RABGAP1L: variants seen among roughly 807,000 people sequenced by gnomAD.
RABGAP1L encodes the protein RAB GTPase activating protein 1 like.
In RABGAP1L, 63 loss-of-function variants were observed where a neutral mutation model predicts 137.7. The observed-to-expected ratio is 0.46, with a 90% CI of 0.37 to 0.56. The LOEUF (loss-of-function observed/expected upper bound fraction) is 0.56. Ranked by LOEUF, RABGAP1L falls within the 20% of genes least tolerant of loss-of-function variation. RABGAP1L has a pLI of 0.00. For missense variants in RABGAP1L, 1,095 were observed against 1,244.0 expected (o/e 0.88, Z 1.80); for synonymous variants, 431 against 433.7 (o/e 0.99, Z 0.08).
At chr1:174,462,198 A>G (rs1656767848) in intron 13 of RABGAP1L, among the ~76,000 whole-genome samples, 1 of 152,178 alleles carries the variant, frequency 6.6e-6, no homozygotes, top group African/African-American at 2.4e-5. Flanking sequence ...ATGACTAGTA[A>G]CAGATGAGAG....
At chr1:174,792,423 C>G (rs1407972359) in intron 18 of RABGAP1L, among the ~76,000 whole-genome samples, 1 of 152,144 alleles carries the variant, frequency 6.6e-6, no homozygotes, top group African/African-American at 2.4e-5. Context: ...AAAATTAAGA[C>G]TGTCTTTGAA....
At chr1:174,661,383 A>G (rs1159225639) in intron 14 of RABGAP1L, among the ~76,000 whole-genome samples, 2 of 152,324 alleles carry the variant, frequency 1.3e-5, no homozygotes, top group East Asian at 1.9e-4. Context: ...GAAAACATGT[A>G]GTTGATAATG....
chr1:174,964,493 A>T (rs1669442295), intron 20 of RABGAP1L, among the ~76,000 whole-genome samples: 1 of 152,134 alleles, frequency 6.6e-6, no homozygotes, highest in Non-Finnish European at 1.5e-5. Flanking sequence ...TACACATGAG[A>T]TCCAGGATCC....
chr1:174,717,324 G>A (rs1415103134), intron 17 of RABGAP1L, among the ~76,000 whole-genome samples: 1 of 152,134 alleles, frequency 6.6e-6, no homozygotes, highest in Non-Finnish European at 1.5e-5. Flanking sequence ...GCAGAGGATC[G>A]CTTGAGCCCA....
intron 13 of RABGAP1L, among the ~76,000 whole-genome samples, chr1:174,610,909 T>G (rs1204425523): frequency 6.6e-6 from 1 of 152,132 alleles, no homozygotes; most frequent in African/African-American, 2.4e-5. Context: ...GTTGTTTGTT[T>G]TTTTCTTGTA....
intron 1 of RABGAP1L, among the ~76,000 whole-genome samples, chr1:174,166,071 T>C (rs1444200496): frequency 6.6e-6 from 1 of 152,214 alleles, no homozygotes; most frequent in Non-Finnish European, 1.5e-5. Context: ...TTGAACAGGA[T>C]TTATATGTTA....
intron 12 of RABGAP1L, 60 bp downstream of exon 12, chr1:174,371,132 G>A (rs1048850860): frequency 1.3e-4 from 123 of 961,890 alleles, no homozygotes; most frequent in Non-Finnish European, 1.7e-4. Flanking sequence ...TTAATTTGTT[G>A]TATTAAAATC....
intron 13 of RABGAP1L, among the ~76,000 whole-genome samples, chr1:174,438,168 G>A (rs1380682619): frequency 6.6e-6 from 1 of 152,172 alleles, no homozygotes; most frequent in Non-Finnish European, 1.5e-5. Flanking sequence ...CAACTAACGA[G>A]CAAGATCTTA....
chr1:174,272,401 C>A lies in RABGAP1L; in HGVS notation c.987-13C>A, dbSNP rs983792208. On this transcript the variant is annotated splice_polypyrimidine_tract_variant and intron_variant, in intron 7 of 25. Transcript: ENST00000681986. ...ATACCTTATTTCTCCTTTTTTTCCC[C>A]CAATATTTTCAGATGTTTTGGAATG... The A allele has an allele frequency of 2.5e-6, 4 of 1,596,220 alleles. No individual in the cohort carries two copies. In the Admixed American group the frequency reaches 7.1e-5, roughly 29 times the overall value.
intron 3 of RABGAP1L, among the ~76,000 whole-genome samples, chr1:174,223,715 A>G (rs767796751): frequency 3.9e-4 from 59 of 152,274 alleles, no homozygotes; most frequent in Non-Finnish European, 6.6e-4. Flanking sequence ...GGAATTTCAA[A>G]TTTTCAGTTA....
At chr1:174,162,570 G>A (rs1664558133) in intron 1 of RABGAP1L, among the ~76,000 whole-genome samples, 1 of 152,044 alleles carries the variant, frequency 6.6e-6, no homozygotes, top group Admixed American at 6.6e-5. Flanking sequence ...ATTATGACTG[G>A]TTAGAGGGGG....
chr1:174,780,112 A>AATTAATT (rs1558070712), intron 18 of RABGAP1L, among the ~76,000 whole-genome samples: 11 of 126,586 alleles, frequency 8.7e-5, no homozygotes, highest in African/African-American at 3.1e-4. Context: ...ATAAATAAAT[A>AATTAATT]AATAAATTAA....
intron 13 of RABGAP1L, among the ~76,000 whole-genome samples, chr1:174,455,510 C>T (rs1655940969): frequency 6.6e-6 from 1 of 151,908 alleles, no homozygotes. Flanking sequence ...TGGACTGTAG[C>T]AAGAGATGTG....
At position 174,275,813 on chromosome 1, in the gene RABGAP1L, T is replaced by C. The variant is rs1394065837; in HGVS notation, c.1054-20T>C. On this transcript the variant is annotated intron_variant, in intron 8 of 25. Transcript: ENST00000681986. ...TTTTTTGATGTCTTTTATCAGTAAT[T>C]ACTGTTTGAATTTTTATAGGAATCC... The C allele has an allele frequency of 4.4e-6, 7 of 1,573,646 alleles. No individual in the cohort carries two copies. The highest frequency in any genetic ancestry group is 5.2e-6 in the Non-Finnish European group (6 of 1,147,442).
chr1:174,341,318 G>A (rs1681953422), intron 11 of RABGAP1L, among the ~76,000 whole-genome samples: 1 of 152,128 alleles, frequency 6.6e-6, no homozygotes, highest in Non-Finnish European at 1.5e-5. Flanking sequence ...TCTTTGCCAT[G>A]CTTCGTGTTA....
At position 174,572,365 on chromosome 1, in the gene RABGAP1L, T is replaced by TA. The variant is rs550203763; in HGVS notation, c.1711-65007dup. Among the ~76,000 whole-genome samples, 176 of 152,158 alleles carry TA rather than the reference T, an allele frequency of 1.2e-3. 1 individual carries two copies. Among genetic ancestry groups the TA allele is most frequent in the African/African-American group, 4.1e-3 (172 of 41,538 alleles). ...ACATCTTATATCTTGAAATTTTCTT[T>TA]AAAGCCTCTAAATGTTGTTTTTGTT... On this transcript the variant is annotated intron_variant, in intron 13 of 25. Coordinates refer to ENST00000681986, the MANE Select transcript of RABGAP1L (RefSeq NM_001366446.1).
intron 11 of RABGAP1L, among the ~76,000 whole-genome samples, chr1:174,308,239 A>G (rs1678486293): frequency 6.6e-6 from 1 of 151,996 alleles, no homozygotes; most frequent in African/African-American, 2.4e-5. Flanking sequence ...CAGGCTGTAT[A>G]CATATCTGTA....
intron 12 of RABGAP1L, among the ~76,000 whole-genome samples, chr1:174,383,374 C>T (rs1159163355): frequency 2.0e-5 from 3 of 151,412 alleles, no homozygotes; most frequent in East Asian, 1.9e-4. Flanking sequence ...CAATGGCGGG[C>T]GCCCCTCCCC....
At chr1:174,530,532 G>C (rs1248177683) in intron 13 of RABGAP1L, among the ~76,000 whole-genome samples, 1 of 152,132 alleles carries the variant, frequency 6.6e-6, no homozygotes, top group East Asian at 1.9e-4. Flanking sequence ...GATTTCAGGA[G>C]TCCATGGTGG....
Sources: allele counts gnomAD v4.1 joint callset (sites outside exome capture counted in the v4.1 genomes callset), GRCh38; gene constraint gnomAD v4.1.1; transcripts MANE v1.5; gene names NCBI Gene and HGNC (gene_info 2026-07-23, HGNC 2026-07-21).